Variants in ANKRD45 observed in about 807,000 individuals in gnomAD.
The protein encoded by ANKRD45 is ankyrin repeat domain 45.
Under a neutral mutation model 28.1 loss-of-function variants are expected in ANKRD45, and 21 were observed. The observed-to-expected ratio is 0.75, with a 90% CI of 0.53 to 1.08. The LOEUF is 1.08. ANKRD45 is among the 50% of genes least tolerant of loss of function. The pLI is 0.00. For missense variants in ANKRD45, 261 were observed against 308.7 expected (o/e 0.85, Z 1.16); for synonymous variants, 86 against 103.9 (o/e 0.83, Z 1.05).
At chr1:173,673,109 TA>T (rs1670308929), upstream of ANKRD45, among the ~76,000 whole-genome samples, 1 of 149,974 alleles carries the variant, frequency 6.7e-6, no homozygotes, top group South Asian at 2.1e-4. Context: ...TACATTTCTA[TA>T]CTTTTTTTTT....
chr1:173,711,629 A>G, the ANKRD45 span, among the ~76,000 whole-genome samples: 1 of 152,146 alleles, frequency 6.6e-6, no homozygotes, highest in African/African-American at 2.4e-5. Flanking sequence ...GGGGCCCAAG[A>G]TATTTTCCTT....
chr1:173,625,577 A>C (rs993233247), intron 4 of ANKRD45, among the ~76,000 whole-genome samples: 11 of 152,308 alleles, frequency 7.2e-5, no homozygotes, highest in Admixed American at 2.0e-4. Context: ...AAGATAAATA[A>C]ATACATTTGT....
intron 5 of ANKRD45, among the ~76,000 whole-genome samples, chr1:173,620,800 C>A (rs1667668017): frequency 6.7e-6 from 1 of 149,298 alleles, no homozygotes; most frequent in Non-Finnish European, 1.5e-5. Context: ...AAGAAATAAT[C>A]AAAATCGGAG....
Position 173,624,774 on chromosome 1 carries a change from A to T in ANKRD45, c.730+13T>A. On this transcript the variant is annotated intron_variant, in intron 5 of 5. Transcript: ENST00000333279. The stretch of plus-strand genomic sequence containing the variant: ...CCTTCTGACATTCAAACCACCTTTT[A>T]TCCAAAACTTACATGGTGTAGTCAT... 1 of 1,606,564 alleles carries T rather than the reference A, an allele frequency of 6.2e-7. No individual in the cohort carries two copies. The highest frequency in any genetic ancestry group is 8.5e-7 in the Non-Finnish European group (1 of 1,175,932).
intron 2 of ANKRD45, among the ~76,000 whole-genome samples, chr1:173,655,913 G>T (rs1669485131): frequency 6.6e-6 from 1 of 152,230 alleles, no homozygotes; most frequent in Non-Finnish European, 1.5e-5. Flanking sequence ...GCCAAGCCAG[G>T]CACGGGATAT....
At chr1:173,687,691 T>G in the ANKRD45 span, among the ~76,000 whole-genome samples, 2 of 152,196 alleles carry the variant, frequency 1.3e-5, no homozygotes, top group Non-Finnish European at 2.9e-5. Context: ...TTTGTACAGA[T>G]GGTTCCTTCC....
intron 3 of ANKRD45, among the ~76,000 whole-genome samples, chr1:173,642,552 G>T (rs1040125720): frequency 6.6e-6 from 1 of 152,194 alleles, no homozygotes; most frequent in East Asian, 1.9e-4. Context: ...TTTACTCAAA[G>T]ACCTGTGCTA....
chr1:173,697,464 C>A, the ANKRD45 span, among the ~76,000 whole-genome samples: 1 of 152,210 alleles, frequency 6.6e-6, no homozygotes, highest in Non-Finnish European at 1.5e-5. Flanking sequence ...AACAGCGGCT[C>A]TCTCAGCAGA....
At chr1:173,635,779 C>A (rs929206049) in intron 3 of ANKRD45, 9 of 1,535,452 alleles carry the variant, frequency 5.9e-6, no homozygotes, top group Non-Finnish European at 7.9e-6. Flanking sequence ...TACAAGCTGT[C>A]TTCTTCGTCT....
the ANKRD45 span, among the ~76,000 whole-genome samples, chr1:173,714,727 T>A: frequency 6.6e-6 from 1 of 152,236 alleles, no homozygotes. Flanking sequence ...AGAGGAGGCT[T>A]CAGTATTCAA....
At chr1:173,616,530 T>C (rs1667473994) in intron 5 of ANKRD45, among the ~76,000 whole-genome samples, 4 of 152,156 alleles carry the variant, frequency 2.6e-5, no homozygotes, top group South Asian at 2.1e-4. Context: ...AACCACTGAA[T>C]TGTACTCTTT....
Position 173,627,662 on chromosome 1 carries a change from T to C in ANKRD45, c.497-503A>G, listed in dbSNP as rs1057476164. Among the ~76,000 whole-genome samples the C allele has an allele frequency of 3.3e-5, 5 of 152,232 alleles. No homozygotes were observed. The East Asian group carries it at 9.7e-4, about 30-fold the overall frequency. ...GCCCCACCACTACAGGCTAAAGTGC[T>C]ATGGGGTCCTAAATAAATTTGAAAG... On this transcript the variant is annotated intron_variant, in intron 3 of 5. Coordinates refer to ENST00000333279, the MANE Select transcript of ANKRD45 (RefSeq NM_198493.3).
chr1:173,632,454 G>A (rs1009670014), intron 3 of ANKRD45, among the ~76,000 whole-genome samples: 2 of 150,368 alleles, frequency 1.3e-5, no homozygotes, highest in Admixed American at 1.3e-4. Context: ...GAAAAATAGA[G>A]AAGGAGGAAA....
intron 5 of ANKRD45, among the ~76,000 whole-genome samples, chr1:173,612,127 C>T (rs1043096783): frequency 1.3e-5 from 2 of 151,970 alleles, no homozygotes; most frequent in Non-Finnish European, 2.9e-5. Flanking sequence ...CGCTGTACTC[C>T]CAGCTACTTC....
chr1:173,668,208 T>C, intron 1 of ANKRD45, among the ~76,000 whole-genome samples: 1 of 152,146 alleles, frequency 6.6e-6, no homozygotes, highest in East Asian at 1.9e-4. Context: ...CCTTAGGATA[T>C]ACATGAGACC....
the ANKRD45 span, among the ~76,000 whole-genome samples, chr1:173,688,942 A>G: frequency 6.6e-6 from 1 of 152,148 alleles, no homozygotes; most frequent in African/African-American, 2.4e-5. Flanking sequence ...AGGAGGAGAC[A>G]ACATTAGACG....
chr1:173,655,284 G>A (rs1171758776), intron 2 of ANKRD45, among the ~76,000 whole-genome samples: 1 of 152,126 alleles, frequency 6.6e-6, no homozygotes, highest in Non-Finnish European at 1.5e-5. Context: ...GTTTTGCTGT[G>A]GATGTCCTTT....
chr1:173,677,866 T>C, the ANKRD45 span, among the ~76,000 whole-genome samples: 1 of 152,186 alleles, frequency 6.6e-6, no homozygotes, highest in Admixed American at 6.5e-5. Context: ...GTAAAATCTG[T>C]GAGGCCAGTT....
chr1:173,629,747 G>T (rs1357539958), intron 3 of ANKRD45, among the ~76,000 whole-genome samples: 1 of 151,828 alleles, frequency 6.6e-6, no homozygotes, highest in Non-Finnish European at 1.5e-5. Context: ...TTTATTCAAA[G>T]GAATAATATT....
Sources: gnomAD v4.1 joint callset for allele counts (sites outside exome capture counted in the v4.1 genomes callset) on GRCh38, gnomAD v4.1.1 for gene constraint, MANE v1.5 for transcripts, NCBI Gene and HGNC (gene_info 2026-07-23, HGNC 2026-07-21) for gene names.